The following C16orf87 variants were observed in gnomAD, a reference collection of about 807,000 sequenced individuals.
The protein encoded by C16orf87 is HDAC and MIER1 interacting protein 1.
A neutral mutation model predicts 21.0 loss-of-function variants in C16orf87; 13 were observed. The ratio of observed to expected loss-of-function variants is 0.62; its 90% CI spans 0.40 to 0.98. The LOEUF is 0.98. Ranked by LOEUF, C16orf87 falls within the 50% of genes least tolerant of loss-of-function variation. The pLI, the probability that C16orf87 is intolerant of heterozygous loss-of-function variation, is 0.00. For missense variants in C16orf87, 113 were observed against 180.4 expected (o/e 0.63, Z 2.14); for synonymous variants, 49 against 60.2 (o/e 0.81, Z 0.86).
chr16:46,807,336 G>C (rs1967959729), intron 3 of C16orf87, among the ~76,000 whole-genome samples: 1 of 151,942 alleles, frequency 6.6e-6, no homozygotes, highest in African/African-American at 2.4e-5. Context: ...AGGATCGCTT[G>C]AGCCCAGGAG....
chr16:46,821,263 G>A (rs576740439), intron 2 of C16orf87, among the ~76,000 whole-genome samples: 8 of 152,300 alleles, frequency 5.3e-5, no homozygotes, highest in Non-Finnish European at 8.8e-5. Context: ...AACAACAGTT[G>A]CTCATGGAGG....
rs987062621 is a variant in C16orf87, at chr16:46,799,364, C to T, written c.*3588G>A. The T allele has an allele frequency of 1.3e-5, 2 of 151,964 alleles. No homozygotes were observed. Among genetic ancestry groups the T allele is most frequent in the African/African-American group, 2.4e-5 (1 of 41,380 alleles). 9.4% of individuals were successfully genotyped at this position (151,964 alleles called of 1,614,324 possible). A position where few individuals can be genotyped will look rare whatever the true frequency, so the allele number is the denominator to read the frequency against. ...TGTACTTCCAAATGTAAAAATGAAGCTTGTCATGTAGTAAAAGAAAAAACC... is the reference window on the plus strand; with the variant it reads ...TGTACTTCCAAATGTAAAAATGAAGTTTGTCATGTAGTAAAAGAAAAAACC... On this transcript the variant is annotated 3_prime_UTR_variant, in exon 4 of 4. Transcript: ENST00000285697.
At position 46,797,345 on chromosome 16, in the gene C16orf87, T is replaced by C. The variant is rs1243542111; in HGVS notation, c.*5607A>G. 1 of 152,158 alleles carries C rather than the reference T, an allele frequency of 6.6e-6. No homozygotes were observed. Among genetic ancestry groups the C allele is most frequent in the Non-Finnish European group, 1.5e-5 (1 of 68,030 alleles). The allele number at this position is 152,158 out of a possible 1,614,324, so 9.4% of individuals were successfully genotyped here. On this transcript the variant is annotated 3_prime_UTR_variant, in exon 4 of 4. Coordinates refer to ENST00000285697, the MANE Select transcript of C16orf87 (RefSeq NM_001001436.4). Reference sequence around the variant, plus strand: ...AAAATACATTATCTGATGAGTCTTATTTTTTATTTTTATTTTTTGAGACAC... The same window carrying C: ...AAAATACATTATCTGATGAGTCTTACTTTTTATTTTTATTTTTTGAGACAC...
rs557922730 is a variant in C16orf87 at position 46,801,626 on chromosome 16, G to C, written c.*1326C>G. On this transcript the variant is annotated 3_prime_UTR_variant, in exon 4 of 4. Transcript: ENST00000285697. The stretch of plus-strand genomic sequence containing the variant: ...TTAGGAAAATTCTTTATCCTATCTA[G>C]AGTACCTCTTAAGCTCCCTCTGCTG... 1.3e-5 allele frequency: 2 copies of C among 152,222 alleles called. No individual in the cohort carries two copies. The highest frequency in any genetic ancestry group is 2.4e-5 in the African/African-American group (1 of 41,450). 9.4% of individuals were successfully genotyped at this position (152,222 alleles called of 1,614,324 possible). A position where few individuals can be genotyped will look rare whatever the true frequency, so the allele number is the denominator to read the frequency against.
chr16:46,804,413 G>A (rs939660069), intron 3 of C16orf87, among the ~76,000 whole-genome samples: 1 of 152,146 alleles, frequency 6.6e-6, no homozygotes, highest in Non-Finnish European at 1.5e-5. Context: ...GGCTTCCTGA[G>A]AAAGGCAGTA....
chr16:46,806,674 CTTACA>C (rs974285683), intron 3 of C16orf87, among the ~76,000 whole-genome samples: 2 of 152,170 alleles, frequency 1.3e-5, no homozygotes, highest in African/African-American at 4.8e-5. Context: ...AAAACGAAGA[CTTACA>C]TTAGACTAAC....
intron 1 of C16orf87, among the ~76,000 whole-genome samples, chr16:46,824,934 G>C (rs1303550380): frequency 6.6e-6 from 1 of 152,030 alleles, no homozygotes; most frequent in Non-Finnish European, 1.5e-5. Context: ...AAAGTGCTAG[G>C]ATAACAGAAG....
intron 3 of C16orf87, among the ~76,000 whole-genome samples, chr16:46,804,006 G>C (rs1395564888): frequency 6.6e-6 from 1 of 151,960 alleles, no homozygotes; most frequent in Non-Finnish European, 1.5e-5. Context: ...AGTAACATCA[G>C]TTTTCAGTGA....
At chr16:46,816,802 G>A (rs960442261) in intron 2 of C16orf87, among the ~76,000 whole-genome samples, 1 of 152,070 alleles carries the variant, frequency 6.6e-6, no homozygotes, top group Non-Finnish European at 1.5e-5. Context: ...AGTGAAACTG[G>A]GTAAGGTTTC....
chr16:46,803,568 G>A (rs1345404644), intron 3 of C16orf87, among the ~76,000 whole-genome samples: 5 of 152,016 alleles, frequency 3.3e-5, no homozygotes, highest in Non-Finnish European at 7.4e-5. Context: ...GTAATCTCAT[G>A]AGTCAGCAAA....
chr16:46,796,867 C>T lies in C16orf87; in HGVS notation c.*6085G>A, dbSNP rs1171520523. ...ATCTGATGAAAGGCATAAACTTACACATTTAAGCTCAACAAATCCCAAAGA... is the reference window on the plus strand; with the variant it reads ...ATCTGATGAAAGGCATAAACTTACATATTTAAGCTCAACAAATCCCAAAGA... On this transcript the variant is annotated 3_prime_UTR_variant, in exon 4 of 4. Coordinates refer to ENST00000285697, the MANE Select transcript of C16orf87 (RefSeq NM_001001436.4). 2 of 152,190 alleles carry T rather than the reference C, an allele frequency of 1.3e-5. No individual in the cohort carries two copies. Among genetic ancestry groups the T allele is most frequent in the South Asian group, 2.1e-4 (1 of 4,834 alleles). The allele number at this position is 152,190 out of a possible 1,614,324, so 9.4% of individuals were successfully genotyped here. A position where few individuals can be genotyped will look rare whatever the true frequency, so the allele number is the denominator to read the frequency against.
chr16:46,826,444 A>G (rs1204091878), intron 1 of C16orf87, among the ~76,000 whole-genome samples: 2 of 152,224 alleles, frequency 1.3e-5, no homozygotes, highest in Non-Finnish European at 2.9e-5. Flanking sequence ...CTTTTTATCT[A>G]TGTATGTACA....
intron 2 of C16orf87, among the ~76,000 whole-genome samples, chr16:46,813,693 C>T (rs890943176): frequency 3.3e-5 from 5 of 152,108 alleles, no homozygotes; most frequent in African/African-American, 9.7e-5. Flanking sequence ...CTCCTTCCTC[C>T]GCTGAGTCTA....
At chr16:46,824,725 G>A (rs529196278) in intron 1 of C16orf87, among the ~76,000 whole-genome samples, 1 of 150,770 alleles carries the variant, frequency 6.6e-6, no homozygotes, top group Admixed American at 6.6e-5. Flanking sequence ...GAGTGCAGTG[G>A]CATGATCTAG....
At chr16:46,810,315 C>G (rs555132347) in intron 2 of C16orf87, among the ~76,000 whole-genome samples, 1 of 152,094 alleles carries the variant, frequency 6.6e-6, no homozygotes, top group African/African-American at 2.4e-5. Context: ...ACTTTAGCCA[C>G]AGATAAGGTA....
At chr16:46,809,369 G>A (rs1235942942) in intron 3 of C16orf87, among the ~76,000 whole-genome samples, 2 of 151,550 alleles carry the variant, frequency 1.3e-5, no homozygotes, top group African/African-American at 4.9e-5. Context: ...ATTATCATCA[G>A]TTTATAGCAA....
intron 2 of C16orf87, among the ~76,000 whole-genome samples, chr16:46,810,452 G>C (rs1236847954): frequency 6.6e-6 from 1 of 151,820 alleles, no homozygotes; most frequent in Non-Finnish European, 1.5e-5. Context: ...TGTTGGATAA[G>C]ACAAACAATA....
In C16orf87 at chr16:46,797,937, T is replaced by C. The variant is rs554501472; in HGVS notation, c.*5015A>G. On this transcript the variant is annotated 3_prime_UTR_variant, in exon 4 of 4. Coordinates refer to ENST00000285697, the MANE Select transcript of C16orf87 (RefSeq NM_001001436.4). The stretch of plus-strand genomic sequence containing the variant: ...CCAAGAAAAATCAGAATATTCTAAA[T>C]TGAACACAAAATTACAACACAATAA... 1.1e-3 allele frequency: 174 copies of C among 152,200 alleles called. 1 individual carries two copies. The highest frequency in any genetic ancestry group is 4.0e-3 in the African/African-American group (168 of 41,552). 9.4% of individuals were successfully genotyped at this position (152,200 alleles called of 1,614,324 possible). A position where few individuals can be genotyped will look rare whatever the true frequency, so the allele number is the denominator to read the frequency against.
chr16:46,807,947 T>C (rs1157022301), intron 3 of C16orf87: 4 of 444,594 alleles, frequency 9.0e-6, no homozygotes, highest in Non-Finnish European at 1.8e-5. Context: ...CATTATCTGC[T>C]TTCTCATCTT....
Sources: gnomAD v4.1 joint callset for allele counts (sites outside exome capture counted in the v4.1 genomes callset) on GRCh38, gnomAD v4.1.1 for gene constraint, MANE v1.5 for transcripts, NCBI Gene and HGNC (gene_info 2026-07-23, HGNC 2026-07-21) for gene names.